PMF1: variants seen among roughly 807,000 people sequenced by gnomAD.
PMF1 encodes polyamine-modulated factor 1.
In PMF1, 21 loss-of-function variants were observed where a neutral mutation model predicts 26.7. The ratio of observed to expected loss-of-function variants is 0.79; its 90% CI spans 0.56 to 1.13. PMF1 has a LOEUF of 1.13. Among genes scored for constraint, PMF1 ranks in the 50% most tolerant of loss-of-function variants. The pLI, the probability that PMF1 is intolerant of heterozygous loss-of-function variation, is 0.00. For missense variants in PMF1, 266 were observed against 254.9 expected (o/e 1.04, Z -0.30); for synonymous variants, 105 against 101.0 (o/e 1.04, Z -0.24).
At position 156,221,578 on chromosome 1, in the gene PMF1, G is replaced by A. The variant is rs529009026; in HGVS notation, c.161+8402G>A. ...TCATTCTCTATTCTTCACTCATCAC[G>A]GTGCCTGGTATACAGGAGGCATTCA... On this transcript the variant is annotated intron_variant, in intron 1 of 4. Transcript: ENST00000368277. Among the ~76,000 whole-genome samples the A allele has an allele frequency of 6.6e-5, 10 of 152,204 alleles. No homozygotes were observed. The South Asian group carries it at 1.9e-3, about 28-fold the overall frequency.
At chr1:156,228,256 A>ATTGTT (rs1658489338) in intron 1 of PMF1, among the ~76,000 whole-genome samples, 2 of 33,542 alleles carry the variant, frequency 6.0e-5, no homozygotes, top group Non-Finnish European at 1.1e-4. Flanking sequence ...GCACCTGGCG[A>ATTGTT]TTTTTTTTTT....
rs539553042 is a variant in PMF1 at position 156,239,998 on chromosome 1, T to C, written c.*397T>C. The C allele has an allele frequency of 4.1e-5, 8 of 196,382 alleles. No homozygotes were observed. In the South Asian group the frequency reaches 7.9e-4, roughly 19 times the overall value. The allele number at this position is 196,382 out of a possible 1,614,324, so 12.2% of individuals were successfully genotyped here. On this transcript the variant is annotated 3_prime_UTR_variant, in exon 5 of 5. Coordinates refer to ENST00000368277, the MANE Select transcript of PMF1 (RefSeq NM_007221.4). ...CTGGCCAGCCCAGGGGCCTTTACCA[T>C]GTTCTCTCCACATCCGTAAATAAAC...
Position 156,213,059 on chromosome 1 carries a change from A to G in PMF1, c.44A>G (p.Glu15Gly), listed in dbSNP as rs773234191. 4.3e-6 allele frequency: 7 copies of G among 1,614,084 alleles called. No homozygotes were observed. The highest frequency in any genetic ancestry group is 3.3e-5 in the Admixed American group (2 of 60,024). Residue 15 changes from glutamate (E) to glycine (G), a missense_variant, in exon 1 of 5, where the codon GAA becomes GGA. Transcript: ENST00000368277. ...SSANLGSGCE[E>G]KRHEGSSSES... Reference sequence around the variant, plus strand: ...GCCAATCTAGGCAGCGGCTGTGAGGAAAAAAGGCATGAGGGGTCGTCTTCG... The same window carrying G: ...GCCAATCTAGGCAGCGGCTGTGAGGGAAAAAGGCATGAGGGGTCGTCTTCG...
At chr1:156,213,348 C>T (rs1192943323) in intron 1 of PMF1, among the ~76,000 whole-genome samples, 172 bp downstream of exon 1, 1 of 152,222 alleles carries the variant, frequency 6.6e-6, no homozygotes. Flanking sequence ...GGTATTCACG[C>T]ACTGATAACC....
At chr1:156,216,814 G>T (rs1657764796) in intron 1 of PMF1, among the ~76,000 whole-genome samples, 1 of 152,040 alleles carries the variant, frequency 6.6e-6, no homozygotes, top group South Asian at 2.1e-4. Flanking sequence ...GAGTTGGCCA[G>T]GGCCGATCGA....
chr1:156,233,712 C>T lies in PMF1; in HGVS notation c.352C>T (p.Arg118Cys), dbSNP rs758667378. 5.0e-5 allele frequency: 81 copies of T among 1,613,344 alleles called. 1 individual carries two copies. The East Asian group carries it at 1.2e-3, about 24-fold the overall frequency. ...TAAAATTGTGGAAGAAGGCAAAGTC[C>T]GCAAAGAGCCAGCCTGGTGAGAGTG... Reference protein sequence around the residue: ...LDKIVEEGKVRKEPAWRPSGI... With the variant: ...LDKIVEEGKVCKEPAWRPSGI... Residue 118 changes from arginine to cysteine, a missense_variant, in exon 3 of 5, where the codon CGC becomes TGC. Physicochemically the swap from Arg to Cys is radical, Grantham distance 180. Coordinates refer to ENST00000368277, the MANE Select transcript of PMF1 (RefSeq NM_007221.4).
chr1:156,213,020 C>A lies in PMF1; in HGVS notation c.5C>A (p.Ala2Asp), dbSNP rs777939436. The A allele has an allele frequency of 6.2e-7, 1 of 1,614,160 alleles. No individual in the cohort carries two copies. The highest frequency in any genetic ancestry group is 2.2e-5 in the East Asian group (1 of 44,884). Reference protein sequence around the residue: MAEASSANLGSG... With the variant: MDEASSANLGSG... ...ATTTGGAGGTTCAACTTCAACATGG[C>A]CGAAGCAAGTAGCGCCAATCTAGGC... Residue 2 changes from alanine to aspartate, a missense_variant, in exon 1 of 5, where the codon GCC becomes GAC. Coordinates refer to ENST00000368277, the MANE Select transcript of PMF1 (RefSeq NM_007221.4).
At chr1:156,213,926 T>A (rs1273562750) in intron 1 of PMF1, among the ~76,000 whole-genome samples, 1 of 151,776 alleles carries the variant, frequency 6.6e-6, no homozygotes, top group African/African-American at 2.4e-5. Context: ...TTTATTTTTA[T>A]TTTTTGAGAC....
intron 1 of PMF1, among the ~76,000 whole-genome samples, chr1:156,216,843 C>G (rs2475757): frequency 0.35 from 52,819 of 151,818 alleles, 9,542 homozygotes; most frequent in African/African-American, 0.43. Context: ...CCGGCCGGCC[C>G]GCCTCCGCTC....
rs527327179 is a variant in PMF1 at position 156,237,946 on chromosome 1, T to G, written c.564+1463T>G. 2.0e-5 allele frequency among the ~76,000 whole-genome samples: 3 copies of G among 151,916 alleles called. No homozygotes were observed. In the East Asian group the frequency reaches 5.8e-4, roughly 29 times the overall value. On this transcript the variant is annotated intron_variant, in intron 4 of 4. Coordinates refer to ENST00000368277, the MANE Select transcript of PMF1 (RefSeq NM_007221.4). ...GTGACGCCTGGTTAATTTTGTATTT[T>G]TAGTAGAGACGGGGTTTCACCATGT...
At chr1:156,224,743 G>A (rs1249625845) in intron 1 of PMF1, among the ~76,000 whole-genome samples, 16 of 151,350 alleles carry the variant, frequency 1.1e-4, no homozygotes, top group Admixed American at 2.0e-4. Flanking sequence ...CAGCCTGGGC[G>A]ACAGAGTGAG....
intron 2 of PMF1, 146 bp from the exon 3 acceptor site, chr1:156,233,482 A>T: frequency 1.3e-6 from 1 of 745,270 alleles, no homozygotes; most frequent in South Asian, 1.9e-5. Flanking sequence ...TAAAAGCCAC[A>T]TGTAGAAAAG....
chr1:156,214,625 C>A (rs1403279323), intron 1 of PMF1, among the ~76,000 whole-genome samples: 1 of 151,934 alleles, frequency 6.6e-6, no homozygotes, highest in Non-Finnish European at 1.5e-5. Flanking sequence ...TGCCTGTAAT[C>A]CCCGTGCTTT....
chr1:156,227,646 A>G (rs1249784979), intron 1 of PMF1, among the ~76,000 whole-genome samples: 2 of 146,288 alleles, frequency 1.4e-5, no homozygotes, highest in African/African-American at 2.5e-5. Context: ...ACAGGTGCCT[A>G]CTACCATGCC....
chr1:156,216,390 C>CA (rs1657701589), intron 1 of PMF1, among the ~76,000 whole-genome samples: 1 of 151,864 alleles, frequency 6.6e-6, no homozygotes, highest in Non-Finnish European at 1.5e-5. Context: ...GACTCTATCT[C>CA]AAAAAAATAA....
At chr1:156,226,211 G>T (rs1658364665) in intron 1 of PMF1, among the ~76,000 whole-genome samples, 1 of 152,090 alleles carries the variant, frequency 6.6e-6, no homozygotes, top group African/African-American at 2.4e-5. Flanking sequence ...TCACTATGTT[G>T]CCCAGGCTGA....
rs775601990 is a variant in PMF1 at position 156,239,919 on chromosome 1, T to A, written c.*318T>A. ...CCTCCTGCTGGTTCCCCAGCCCTTT[T>A]CCCTGGCCCTGGCTTGGAGAATCTG... On this transcript the variant is annotated 3_prime_UTR_variant, in exon 5 of 5. Transcript: ENST00000368277. 5.9e-6 allele frequency: 2 copies of A among 339,434 alleles called. No homozygotes were observed. The highest frequency in any genetic ancestry group is 1.1e-5 in the Non-Finnish European group (2 of 185,152). 21.0% of individuals were successfully genotyped at this position (339,434 alleles called of 1,614,324 possible).
chr1:156,231,014 G>A (rs1658666080), intron 1 of PMF1, among the ~76,000 whole-genome samples: 2 of 152,076 alleles, frequency 1.3e-5, no homozygotes, highest in African/African-American at 4.8e-5. Context: ...AGGAGATCAA[G>A]ACCATCCTAG....
chr1:156,213,103 A>G lies in PMF1; in HGVS notation c.88A>G (p.Thr30Ala), dbSNP rs1212275118. 1.2e-6 allele frequency: 2 copies of G among 1,614,268 alleles called. No homozygotes were observed. Among genetic ancestry groups the G allele is most frequent in the Admixed American group, 1.7e-5 (1 of 60,038 alleles). ...GSSSESVPPG[T>A]TISRVKLLDT... ...GTCTTCGGAATCTGTGCCACCCGGC[A>G]CTACCATTTCGAGGGTGAAGCTCCT... is the stretch of plus-strand genomic sequence containing the variant. Residue 30 changes from threonine (T) to alanine (A), a missense_variant, in exon 1 of 5, where the codon ACT (threonine) becomes GCT (alanine). Coordinates refer to ENST00000368277, the MANE Select transcript of PMF1 (RefSeq NM_007221.4).
Sources: allele counts gnomAD v4.1 joint callset (sites outside exome capture counted in the v4.1 genomes callset), GRCh38; gene constraint gnomAD v4.1.1; transcripts MANE v1.5; gene names NCBI Gene and HGNC (gene_info 2026-07-23, HGNC 2026-07-21).